Variants in UIMC1 observed in about 807,000 individuals in gnomAD.
UIMC1 encodes the protein BRCA1-A complex subunit RAP80.
In UIMC1, 42 loss-of-function variants were observed where a neutral mutation model predicts 84.9. The ratio of observed to expected loss-of-function variants is 0.49; its 90% confidence interval spans 0.39 to 0.64. UIMC1 has a LOEUF of 0.64. Ranked by LOEUF, UIMC1 falls within the 30% of genes least tolerant of loss-of-function variation. The pLI is 0.00. For synonymous variants in UIMC1, 281 were observed against 293.0 expected (o/e 0.96, Z 0.42); for missense variants, 825 against 847.6 (o/e 0.97, Z 0.33).
At position 176,911,157 on chromosome 5, in the gene UIMC1, AAAG is replaced by A. The variant is rs1208091052; in HGVS notation, c.1676+151_1676+153del. ...AAAGAAAAGAAAAGAAAAGAAAAGA[AAAG>A]AAAAGAAAAGAAAAGAAAATTCAGG... On this transcript the variant is annotated intron_variant, in intron 11 of 14. Transcript: ENST00000511320. Among the ~76,000 whole-genome samples, 4 of 71,948 alleles carry A rather than the reference AAAG, an allele frequency of 5.6e-5. No individual in the cohort carries two copies. The East Asian group carries it at 1.2e-3, about 22-fold the overall frequency. 47.2% of individuals were successfully genotyped at this position (71,948 alleles called of 152,430 possible). A position where few individuals can be genotyped will look rare whatever the true frequency, so the allele number is the denominator to read the frequency against.
In UIMC1 at chr5:176,955,951, G is replaced by T; in HGVS notation, c.1339+8C>A. 6.2e-7 allele frequency: 1 copy of T among 1,612,464 alleles called. No homozygotes were observed. ...AGAAATTCAGTAAAATCACAGTGGG[G>T]TACTTACCAGGACAAACAGTGATTT... On this transcript the variant is annotated splice_region_variant and intron_variant, in intron 8 of 14. Transcript: ENST00000511320.
In UIMC1 at chr5:176,975,412, G is replaced by A; in HGVS notation, c.216C>T (p.Ala72=). ...AAAACATACGTGCGATTTTTCTTTT[G>A]GCCAAACACTTTGCTCTATTCGACT... The part of the protein sequence containing the change: ...TKQSNRAKCL[A]KRKIAQMTEE... The change falls in exon 3 of 15, where the codon GCC becomes GCT. Residue 72 remains alanine (A), a synonymous_variant. Coordinates refer to ENST00000511320, the MANE Select transcript of UIMC1 (RefSeq NM_001199298.2). The A allele has an allele frequency of 6.2e-7, 1 of 1,613,356 alleles. No individual in the cohort carries two copies. The highest frequency in any genetic ancestry group is 1.7e-4 in the Middle Eastern group (1 of 6,056).
intron 10 of UIMC1, among the ~76,000 whole-genome samples, chr5:176,933,693 C>G (rs1309396226): frequency 1.3e-5 from 2 of 151,940 alleles, no homozygotes; most frequent in Non-Finnish European, 2.9e-5. Context: ...TGTACCACCA[C>G]ACAAAGCTAA....
At position 176,986,006 on chromosome 5, in the gene UIMC1, C is replaced by T. The variant is rs12652020; in HGVS notation, c.-8-3383G>A. Among the ~76,000 whole-genome samples the T allele has an allele frequency of 1.1e-4, 16 of 152,016 alleles. No individual in the cohort carries two copies. In the East Asian group the frequency reaches 2.9e-3, roughly 28 times the overall value. ...GTGGCTCACCCCTGTAATCCCAACA[C>T]TTTGGGAGGCCAAGGCAGGAGGATC... On this transcript the variant is annotated intron_variant, in intron 1 of 14. Transcript: ENST00000511320.
intron 1 of UIMC1, among the ~76,000 whole-genome samples, chr5:176,997,862 T>C (rs1773863807): frequency 6.6e-6 from 1 of 152,106 alleles, no homozygotes; most frequent in African/African-American, 2.4e-5. Context: ...TTTAATGTCA[T>C]GAGGCCTCTA....
intron 1 of UIMC1, among the ~76,000 whole-genome samples, chr5:176,991,630 CAAAA>C (rs57753076): frequency 1.3e-5 from 1 of 78,822 alleles, no homozygotes; most frequent in African/African-American, 5.2e-5. Context: ...AACTCCGTCT[CAAAA>C]AAAAAAAAAA....
At chr5:176,971,092 T>C (rs1489984896) in intron 3 of UIMC1, among the ~76,000 whole-genome samples, 3 of 152,220 alleles carry the variant, frequency 2.0e-5, no homozygotes, top group African/African-American at 7.2e-5. Flanking sequence ...TAAGCTCCCA[T>C]GAAGGCAGAG....
intron 2 of UIMC1, among the ~76,000 whole-genome samples, chr5:176,976,580 CAGTGCCCCCACTGTGG>C (rs1224316751): frequency 6.6e-6 from 1 of 152,150 alleles, no homozygotes. Context: ...GAATATAAAA[CAGTGCCCCCACTGTGG>C]AAAAAAAAGA....
Position 176,953,495 on chromosome 5 carries a change from T to TACACACACACACACACACACACAC in UIMC1, c.1340-1942_1340-1919dup, listed in dbSNP as rs137955830. On this transcript the variant is annotated intron_variant, in intron 8 of 14. Coordinates refer to ENST00000511320, the MANE Select transcript of UIMC1 (RefSeq NM_001199298.2). Reference sequence around the variant, plus strand: ...CAAATTTTTTTGAAAACTGGACACATACACACACACACACACACACACACA... The same window carrying TACACACACACACACACACACACAC: ...CAAATTTTTTTGAAAACTGGACACATACACACACACACACACACACACACACACACACACACACACACACACACA... 7.1e-3 allele frequency among the ~76,000 whole-genome samples: 969 copies of TACACACACACACACACACACACAC among 136,908 alleles called. 16 individuals are homozygous for TACACACACACACACACACACACAC. The highest frequency in any genetic ancestry group is 0.016 in the African/African-American group (589 of 35,864). 89.8% of individuals were successfully genotyped at this position (136,908 alleles called of 152,430 possible). A position where few individuals can be genotyped will look rare whatever the true frequency, so the allele number is the denominator to read the frequency against.
At chr5:176,955,274 T>C (rs1206540653) in intron 8 of UIMC1, among the ~76,000 whole-genome samples, 1 of 152,190 alleles carries the variant, frequency 6.6e-6, no homozygotes, top group East Asian at 1.9e-4. Flanking sequence ...AAAGTACCTA[T>C]CTTTTAATTT....
In UIMC1 at chr5:176,958,116, T is replaced by G. The variant is rs1405415121; in HGVS notation, c.1239A>C (p.Gly413=). The change falls in exon 7 of 15, where the codon GGA becomes GGC. Residue 413 remains glycine, a synonymous_variant. Transcript: ENST00000511320. ...QGIVEETSEE[G]NSVPASQSVA... The stretch of plus-strand genomic sequence containing the variant: ...ACCTTTGTGAAGCAGGTACAGAGTT[T>G]CCCTCTTCAGAAGTTTCTTCAACAA... The G allele has an allele frequency of 6.2e-7, 1 of 1,613,806 alleles. No homozygotes were observed. The highest frequency in any genetic ancestry group is 1.3e-5 in the African/African-American group (1 of 75,046).
chr5:176,989,028 G>A (rs1352197016), intron 1 of UIMC1, among the ~76,000 whole-genome samples: 2 of 152,032 alleles, frequency 1.3e-5, no homozygotes, highest in African/African-American at 4.8e-5. Context: ...AGCCCCGGAT[G>A]ATTTTATTTT....
At position 176,955,801 on chromosome 5, in the gene UIMC1, A is replaced by G. The variant is rs149709564; in HGVS notation, c.1339+158T>C. 6.4e-3 allele frequency among the ~76,000 whole-genome samples: 977 copies of G among 152,292 alleles called. 4 individuals carry two copies. The highest frequency in any genetic ancestry group is 8.7e-3 in the Non-Finnish European group (590 of 68,024). On this transcript the variant is annotated intron_variant, in intron 8 of 14. Transcript: ENST00000511320. ...AAGCCAATGGCCATTAAAAACACCT[A>G]TATGTGTATACGCATACGAGTGTTG...
At chr5:176,986,578 A>C (rs2149514382) in intron 1 of UIMC1, among the ~76,000 whole-genome samples, 1 of 148,314 alleles carries the variant, frequency 6.7e-6, no homozygotes, top group Admixed American at 6.8e-5. Flanking sequence ...ACTGGCTCAC[A>C]CCTATAATCC....
At chr5:176,937,951 G>A (rs115360356) in intron 10 of UIMC1, among the ~76,000 whole-genome samples, 2,590 of 152,150 alleles carry the variant, frequency 0.017, 35 homozygotes, top group South Asian at 0.027. Context: ...AGCACTTTGG[G>A]AGGCCAACGC....
intron 10 of UIMC1, among the ~76,000 whole-genome samples, chr5:176,914,099 T>C (rs949139216): frequency 5.3e-5 from 7 of 132,664 alleles, no homozygotes; most frequent in South Asian, 2.4e-4. Flanking sequence ...TACCATACCA[T>C]ACAATGTTAC....
chr5:176,907,278 TG>T, intron 12 of UIMC1, 101 bp from the exon 13 acceptor site: 1 of 1,154,488 alleles, frequency 8.7e-7, no homozygotes, highest in Non-Finnish European at 1.3e-6. Context: ...AGAAAAGGTG[TG>T]GGGGCCACAG....
chr5:176,976,170 AT>A (rs201886363), intron 2 of UIMC1, among the ~76,000 whole-genome samples: 2 of 151,806 alleles, frequency 1.3e-5, no homozygotes, highest in East Asian at 1.9e-4. Context: ...ATTAAAAAGA[AT>A]TTTTTTTAAA....
chr5:176,968,193 AAAACCCC>A (rs1768604463), intron 6 of UIMC1, among the ~76,000 whole-genome samples: 1 of 152,108 alleles, frequency 6.6e-6, no homozygotes, highest in African/African-American at 2.4e-5. Flanking sequence ...CCAACAGGGT[AAAACCCC>A]GTCTCTACTA....
Sources: allele counts gnomAD v4.1 joint callset (sites outside exome capture counted in the v4.1 genomes callset), GRCh38; gene constraint gnomAD v4.1.1; transcripts MANE v1.5; gene names NCBI Gene and HGNC (gene_info 2026-07-23, HGNC 2026-07-21).